Variants in XRN1 observed in about 807,000 individuals in gnomAD.
The protein encoded by XRN1 is 5'-3' exoribonuclease 1.
In XRN1, 67 loss-of-function variants were observed where a neutral mutation model predicts 222.3. The observed-to-expected ratio is 0.30, with a 90% confidence interval of 0.25 to 0.37. The LOEUF is 0.37. Among genes scored for constraint, XRN1 ranks in the 10% least tolerant of loss-of-function variants. The pLI, the probability that XRN1 is intolerant of heterozygous loss-of-function variation, is 1.00. For synonymous variants in XRN1, 643 were observed against 652.4 expected (o/e 0.99, Z 0.22); for missense variants, 1,707 against 2,000.2 (o/e 0.85, Z 2.80).
At position 142,408,008 on chromosome 3, in the gene XRN1, C is replaced by T. The variant is rs533919606; in HGVS notation, c.1714-2932G>A. ...CATCACTTCCAGCACAGAATGTCAA[C>T]AGCTTACCCTTCTGTTTCTTCAGGT... is the stretch of plus-strand genomic sequence containing the variant. On this transcript the variant is annotated intron_variant, in intron 15 of 40. Coordinates refer to ENST00000392981, the MANE Select transcript of XRN1 (RefSeq NM_001282857.2). 2.0e-5 allele frequency among the ~76,000 whole-genome samples: 3 copies of T among 152,354 alleles called. No homozygotes were observed. The East Asian group carries it at 5.8e-4, about 29-fold the overall frequency.
At chr3:142,327,427 G>A (rs949448412) in intron 37 of XRN1, among the ~76,000 whole-genome samples, 1 of 151,046 alleles carries the variant, frequency 6.6e-6, no homozygotes, top group Non-Finnish European at 1.5e-5. Flanking sequence ...TTGAATTTCT[G>A]TGTTATCAGA....
intron 15 of XRN1, among the ~76,000 whole-genome samples, chr3:142,408,446 T>C (rs2068437147): frequency 6.6e-6 from 1 of 152,182 alleles, no homozygotes; most frequent in Admixed American, 6.5e-5. Context: ...ATAAGCTGTG[T>C]TGTGCACCTG....
chr3:142,324,732 T>C (rs1406205252), intron 37 of XRN1, among the ~76,000 whole-genome samples: 1 of 151,906 alleles, frequency 6.6e-6, no homozygotes, highest in African/African-American at 2.4e-5. Context: ...AGTGTTCCTA[T>C]TTCCCCATAT....
intron 20 of XRN1, among the ~76,000 whole-genome samples, chr3:142,387,804 T>G (rs976106977): frequency 6.6e-6 from 1 of 152,128 alleles, no homozygotes. Context: ...TTCCTTGCAA[T>G]GAGGAGGATA....
chr3:142,333,124 C>T (rs377040802), intron 34 of XRN1, 35 bp from the exon 35 acceptor site: 61 of 1,596,388 alleles, frequency 3.8e-5, no homozygotes, highest in South Asian at 1.7e-4. Context: ...TGAAGATGAA[C>T]GTATAATACA....
intron 37 of XRN1, among the ~76,000 whole-genome samples, chr3:142,329,005 C>T (rs191231886): frequency 3.0e-4 from 46 of 151,814 alleles, no homozygotes; most frequent in Non-Finnish European, 5.2e-4. Context: ...GCTGTCCTCC[C>T]GCCTTGGCCT....
rs553908485 is a variant in XRN1 at position 142,364,996 on chromosome 3, T to C, written c.3394+51A>G. On this transcript the variant is annotated intron_variant, in intron 29 of 40. Coordinates refer to ENST00000392981, the MANE Select transcript of XRN1 (RefSeq NM_001282857.2). Reference sequence around the variant, plus strand: ...ATAAAAAACAGACAAGCCTGTTTATTACTTTACAATATAAATTACGTTGAA... The same window carrying C: ...ATAAAAAACAGACAAGCCTGTTTATCACTTTACAATATAAATTACGTTGAA... The C allele has an allele frequency of 2.5e-5, 39 of 1,558,834 alleles. No individual in the cohort carries two copies. In the South Asian group the frequency reaches 4.4e-4, roughly 18 times the overall value.
At position 142,447,011 on chromosome 3, in the gene XRN1, C is replaced by CAAAAAA. The variant is rs35348288; in HGVS notation, c.75+858_75+859insTTTTTT. On this transcript the variant is annotated intron_variant, in intron 1 of 40. Coordinates refer to ENST00000392981, the MANE Select transcript of XRN1 (RefSeq NM_001282857.2). This position sits in a 1 kb window ranked among gnomAD's most constrained non-coding sequence, Gnocchi z 4.2. ...TTCTGTAAAGCATCAGAAAAGAGAT[C>CAAAAAA]AAATTCATTAAATGTGACAAACACC... 8.0e-4 allele frequency among the ~76,000 whole-genome samples: 121 copies of CAAAAAA among 152,160 alleles called. 1 individual carries two copies. The highest frequency in any genetic ancestry group is 2.5e-3 in the African/African-American group (104 of 41,434).
At chr3:142,337,728 T>C (rs2065889248) in intron 33 of XRN1, among the ~76,000 whole-genome samples, 1 of 152,002 alleles carries the variant, frequency 6.6e-6, no homozygotes, top group Non-Finnish European at 1.5e-5. Flanking sequence ...TAATTTGGAG[T>C]ATATAATAGG....
rs201420256 is a variant in XRN1 at position 142,447,836 on chromosome 3, C to T, written c.75+34G>A. 1.2e-4 allele frequency: 190 copies of T among 1,611,856 alleles called. 1 individual carries two copies. In the East Asian group the frequency reaches 3.6e-3, roughly 31 times the overall value. Reference sequence around the variant, plus strand: ...AGAGGGCCGCGGAGCCCCGGGTCCTCGGCTTTCTGAGCCGTTGCCCCTCGC... The same window carrying T: ...AGAGGGCCGCGGAGCCCCGGGTCCTTGGCTTTCTGAGCCGTTGCCCCTCGC... On this transcript the variant is annotated intron_variant, in intron 1 of 40. Coordinates refer to ENST00000392981, the MANE Select transcript of XRN1 (RefSeq NM_001282857.2). This position sits in a 1 kb window ranked among gnomAD's most constrained non-coding sequence, Gnocchi z 4.2.
chr3:142,318,966 G>A, intron 37 of XRN1, 63 bp from the exon 38 acceptor site: 1 of 1,338,608 alleles, frequency 7.5e-7, no homozygotes, highest in East Asian at 2.4e-5. Flanking sequence ...CTCTCCCAAA[G>A]TTTAGTCTAA....
At position 142,311,488 on chromosome 3, in the gene XRN1, T is replaced by C; in HGVS notation, c.*23A>G. 6.5e-7 allele frequency: 1 copy of C among 1,543,440 alleles called. No individual in the cohort carries two copies. The highest frequency in any genetic ancestry group is 2.3e-5 in the East Asian group (1 of 44,272). On this transcript the variant is annotated 3_prime_UTR_variant, in exon 41 of 41. Coordinates refer to ENST00000392981, the MANE Select transcript of XRN1 (RefSeq NM_001282857.2). ...AAAGGTAGATGGAAAGAGAAGAAAT[T>C]AACTTAATTCTAAGAGCCAAATTTA...
chr3:142,327,790 C>T (rs1242861094), intron 37 of XRN1, among the ~76,000 whole-genome samples: 1 of 152,110 alleles, frequency 6.6e-6, no homozygotes, highest in African/African-American at 2.4e-5. Context: ...ATGTACACTG[C>T]ATACATTGCA....
intron 36 of XRN1, among the ~76,000 whole-genome samples, chr3:142,331,762 G>T (rs1377394354): frequency 6.6e-6 from 1 of 152,064 alleles, no homozygotes; most frequent in East Asian, 1.9e-4. Context: ...TTGGTTACAT[G>T]GTTGTATTAT....
intron 24 of XRN1, 112 bp downstream of exon 24, chr3:142,376,367 T>C (rs1258258509): frequency 1.1e-6 from 1 of 910,902 alleles, no homozygotes; most frequent in African/African-American, 1.7e-5. Context: ...TGCACAATTT[T>C]AAGACAATCC....
intron 31 of XRN1, 124 bp downstream of exon 31, chr3:142,356,788 C>A: frequency 9.7e-7 from 1 of 1,034,840 alleles, no homozygotes; most frequent in South Asian, 1.7e-5. Flanking sequence ...TGGAATTGAC[C>A]TGAGCCAAAA....
intron 1 of XRN1, among the ~76,000 whole-genome samples, chr3:142,439,242 C>T (rs2070080686): frequency 6.6e-6 from 1 of 152,174 alleles, no homozygotes; most frequent in African/African-American, 2.4e-5. Flanking sequence ...GAGAGAAGTG[C>T]CGCCATAACT....
Position 142,432,809 on chromosome 3 carries a change from T to C in XRN1, c.160A>G (p.Arg54Gly). 6.2e-7 allele frequency: 1 copy of C among 1,614,038 alleles called. No homozygotes were observed. Among genetic ancestry groups the C allele is most frequent in the Non-Finnish European group, 8.5e-7 (1 of 1,180,016 alleles). Reference protein sequence around the residue: ...SHPNDDDVHFRISDDKIFTDI... With the variant: ...SHPNDDDVHFGISDDKIFTDI... ...GTAAAGATTTTATCATCTGAAATTCTAAAGTGAACATCATCATCATTAGGA... is the reference window on the plus strand; with the variant it reads ...GTAAAGATTTTATCATCTGAAATTCCAAAGTGAACATCATCATCATTAGGA... The change falls in exon 2 of 41, where the codon AGA (arginine) becomes GGA (glycine). Residue 54 changes from arginine (R) to glycine (G), a missense_variant. Transcript: ENST00000392981.
chr3:142,427,337 T>A (rs932650862), intron 2 of XRN1, among the ~76,000 whole-genome samples: 89 of 145,490 alleles, frequency 6.1e-4, no homozygotes, highest in Middle Eastern at 3.6e-3. Context: ...CTGTCTCATT[T>A]AAAAAAAAAA....
Sources: gnomAD v4.1 joint callset for allele counts (sites outside exome capture counted in the v4.1 genomes callset) on GRCh38, gnomAD v4.1.1 for gene constraint, Gnocchi (gnomAD v3.1) non-coding constraint, MANE v1.5 for transcripts, NCBI Gene and HGNC (gene_info 2026-07-23, HGNC 2026-07-21) for gene names.